The following LMF1 variants were observed in gnomAD, a reference collection of about 807,000 sequenced individuals.
LMF1 encodes lipase maturation factor 1.
Under a neutral mutation model 60.6 loss-of-function variants are expected in LMF1, and 68 were observed. The observed-to-expected ratio is 1.12, with a 90% CI of 0.92 to 1.37. The LOEUF is 1.37. Ranked by LOEUF, LMF1 falls within the 40% of genes most tolerant of loss-of-function variation. The pLI, the probability that LMF1 is intolerant of heterozygous loss-of-function variation, is 0.00. For missense variants in LMF1, 948 were observed against 767.2 expected (o/e 1.24, Z -2.78); for synonymous variants, 418 against 324.7 (o/e 1.29, Z -3.09).
At chr16:868,866 C>T in intron 10 of LMF1, 78 bp downstream of exon 10, 2 of 905,784 alleles carry the variant, frequency 2.2e-6, no homozygotes, top group Non-Finnish European at 3.6e-6. Flanking sequence ...GGTGGGGGTG[C>T]AGGTACAGGT....
At chr16:981,490 G>A (rs1419456815), upstream of LMF1, 2 of 249,706 alleles carry the variant, frequency 8.0e-6, no homozygotes, top group South Asian at 5.9e-5. Context: ...GGAAGCGCCG[G>A]AGACCCCCCT....
At chr16:971,164 C>T (rs996037777), upstream of LMF1, among the ~76,000 whole-genome samples, 1 of 152,206 alleles carries the variant, frequency 6.6e-6, no homozygotes, top group African/African-American at 2.4e-5. Context: ...CGCGCGGGAG[C>T]GGGTGCCCGG....
At chr16:880,864 A>C (rs1210208709) in intron 5 of LMF1, among the ~76,000 whole-genome samples, 1 of 152,234 alleles carries the variant, frequency 6.6e-6, no homozygotes, top group Non-Finnish European at 1.5e-5. Context: ...CCCTAGATGG[A>C]CGATGCTGCA....
At chr16:923,619 G>A (rs1330403715) in intron 3 of LMF1, among the ~76,000 whole-genome samples, 3 of 152,172 alleles carry the variant, frequency 2.0e-5, no homozygotes, top group African/African-American at 2.4e-5. Flanking sequence ...TGCTTTAGAA[G>A]GACGTGGAGG....
chr16:899,135 C>A (rs1035450206), intron 4 of LMF1: 1 of 152,248 alleles, frequency 6.6e-6, no homozygotes, highest in Non-Finnish European at 1.5e-5. Context: ...ATCTGAGACA[C>A]CCTCGCCCTG....
chr16:866,975 G>A lies in LMF1; in HGVS notation c.1529+1969C>T, dbSNP rs959796075. The stretch of plus-strand genomic sequence containing the variant: ...TCGGTCTTCCTGTTTTATGTATAAC[G>A]TCCAGGGATCTTGGTTGCACTTAGT... On this transcript the variant is annotated intron_variant, in intron 10 of 10. Transcript: ENST00000262301. Among the ~76,000 whole-genome samples the A allele has an allele frequency of 3.9e-5, 6 of 152,120 alleles. No individual in the cohort carries two copies. In the East Asian group the frequency reaches 5.8e-4, roughly 15 times the overall value.
chr16:906,235 C>T (rs2070968940), intron 4 of LMF1, among the ~76,000 whole-genome samples: 1 of 152,152 alleles, frequency 6.6e-6, no homozygotes, highest in Non-Finnish European at 1.5e-5. Context: ...GCTATCTGTC[C>T]TCACGCCTTG....
intron 3 of LMF1, among the ~76,000 whole-genome samples, chr16:928,586 A>C (rs979368679): frequency 6.6e-6 from 1 of 151,610 alleles, no homozygotes; most frequent in Non-Finnish European, 1.5e-5. Flanking sequence ...TGACACCCTC[A>C]CTTCACTGCC....
chr16:914,493 C>A (rs1053657525), intron 3 of LMF1, among the ~76,000 whole-genome samples: 4 of 151,652 alleles, frequency 2.6e-5, no homozygotes, highest in Admixed American at 2.6e-4. Context: ...AAACCAGACA[C>A]GCTCCCTCCC....
intron 9 of LMF1, chr16:869,378 C>T (rs559387650): frequency 5.2e-5 from 31 of 601,110 alleles, no homozygotes; most frequent in South Asian, 4.1e-4. Context: ...ACCGGGAGGA[C>T]AGAAACAGCA....
Position 874,076 on chromosome 16 carries a change from G to T in LMF1, c.898-2735C>A, listed in dbSNP as rs927715994. Among the ~76,000 whole-genome samples the T allele has an allele frequency of 2.0e-5, 3 of 152,242 alleles. No individual in the cohort carries two copies. The highest frequency in any genetic ancestry group is 2.9e-5 in the Non-Finnish European group (2 of 68,042). On this transcript the variant is annotated intron_variant, in intron 6 of 10. Coordinates refer to ENST00000262301, the MANE Select transcript of LMF1 (RefSeq NM_022773.4). This position sits in a 1 kb window ranked among gnomAD's most constrained non-coding sequence, Gnocchi z 4.1. The stretch of plus-strand genomic sequence containing the variant: ...GGGTCTCCTTTGCCGGGTGTGGGGG[G>T]GGTATGGGAAGTTCTGGAACCAGGC...
chr16:890,436 A>G (rs956784821), intron 5 of LMF1, among the ~76,000 whole-genome samples: 3 of 152,144 alleles, frequency 2.0e-5, no homozygotes, highest in Admixed American at 2.0e-4. Context: ...CCCCCGAGAC[A>G]GCAGCTGCTG....
chr16:909,760 C>T (rs370185230), intron 4 of LMF1, among the ~76,000 whole-genome samples: 2 of 152,212 alleles, frequency 1.3e-5, no homozygotes, highest in African/African-American at 4.8e-5. Flanking sequence ...GCCCAGCACT[C>T]GGGCCCCTGC....
chr16:918,979 G>A (rs1191631326), intron 3 of LMF1, among the ~76,000 whole-genome samples: 1 of 152,070 alleles, frequency 6.6e-6, no homozygotes, highest in African/African-American at 2.4e-5. Context: ...ACGAGCTCTC[G>A]GCACCTGCTC....
At chr16:905,654 A>G (rs1363832847) in intron 4 of LMF1, among the ~76,000 whole-genome samples, 10 of 151,952 alleles carry the variant, frequency 6.6e-5, no homozygotes. Context: ...TGTATTCCAG[A>G]TACAGGTTCC....
chr16:972,893 T>A (rs2073076921), upstream of LMF1, among the ~76,000 whole-genome samples: 1 of 152,138 alleles, frequency 6.6e-6, no homozygotes, highest in Admixed American at 6.5e-5. Context: ...CAGGGTCTGC[T>A]CTCTTGAGAC....
intron 1 of LMF1, among the ~76,000 whole-genome samples, chr16:977,925 A>ACACAAACGCAC (rs1555484142): frequency 7.1e-6 from 1 of 140,540 alleles, no homozygotes; most frequent in Non-Finnish European, 1.5e-5. Flanking sequence ...CACACATACC[A>ACACAAACGCAC]CACACATACA....
intron 3 of LMF1, among the ~76,000 whole-genome samples, chr16:918,836 A>AACCCGACTCTCACGCGGGCCGGCG (rs1567237661): frequency 1.5e-4 from 20 of 136,134 alleles, no homozygotes; most frequent in African/African-American, 5.1e-4. Context: ...CGGGGCCGGC[A>AACCCGACTCTCACGCGGGCCGGCG]TCCCGGGGCG....
At chr16:890,008 C>T (rs1419301362) in intron 5 of LMF1, among the ~76,000 whole-genome samples, 4 of 152,158 alleles carry the variant, frequency 2.6e-5, no homozygotes, top group African/African-American at 9.7e-5. Context: ...TGTAGCTGTC[C>T]CTAAAACCCC....
Sources: allele counts gnomAD v4.1 joint callset (sites outside exome capture counted in the v4.1 genomes callset), GRCh38; gene constraint gnomAD v4.1.1; non-coding constraint Gnocchi (gnomAD v3.1); transcripts MANE v1.5; gene names NCBI Gene and HGNC (gene_info 2026-07-23, HGNC 2026-07-21).